The following TBC1D8B variants were observed in gnomAD, a reference collection of about 807,000 sequenced individuals.
The protein encoded by TBC1D8B is RP11-321G1.1.
TBC1D8B carries 75 observed loss-of-function variants against 82.9 expected under a neutral mutation model. The ratio of observed to expected loss-of-function variants is 0.90; its 90% confidence interval spans 0.75 to 1.10. The LOEUF is 1.10. Ranked by LOEUF, TBC1D8B falls within the 50% of genes least tolerant of loss-of-function variation. The pLI, the probability that TBC1D8B is intolerant of heterozygous loss-of-function variation, is 0.00. For missense variants in TBC1D8B, 794 were observed against 796.9 expected, an observed-to-expected ratio of 1.00 and a Z score of 0.04; for synonymous variants, 276 against 276.8, an observed-to-expected ratio of 1.00 and a Z score of 0.03.
intron 10 of TBC1D8B, among the ~76,000 whole-genome samples, chrX:106,844,136 A>C (rs984126752): frequency 2.7e-5 from 3 of 110,730 alleles, no homozygotes; most frequent in Non-Finnish European, 5.7e-5. Flanking sequence ...CTATATACAA[A>C]ATCATGGCAT....
intron 14 of TBC1D8B, among the ~76,000 whole-genome samples, chrX:106,857,483 A>C (rs1602433557): frequency 9.0e-6 from 1 of 111,496 alleles, no homozygotes; most frequent in African/African-American, 3.3e-5. Flanking sequence ...ATTATGTGTC[A>C]CAGGGTTTCG....
chrX:106,840,447 A>G (rs759123664), intron 9 of TBC1D8B, among the ~76,000 whole-genome samples: 1 of 111,547 alleles, frequency 9.0e-6, no homozygotes, highest in African/African-American at 3.2e-5. Context: ...TTTAGTGTCA[A>G]CAGTCAGTTA....
At chrX:106,868,561 A>G (rs926580976) in intron 18 of TBC1D8B, 85 bp downstream of exon 18, 20 of 575,675 alleles carry the variant, frequency 3.5e-5, no homozygotes, top group Non-Finnish European at 4.9e-5. Context: ...TTACCCAACT[A>G]AAATTGGGCT....
chrX:106,871,267 T>C (rs1461076497), intron 20 of TBC1D8B, among the ~76,000 whole-genome samples: 4 of 110,876 alleles, frequency 3.6e-5, no homozygotes, highest in African/African-American at 1.3e-4. Flanking sequence ...AAATATGTTC[T>C]TCTTTTTGTA....
At chrX:106,841,606 C>A (rs1366469549) in intron 10 of TBC1D8B, among the ~76,000 whole-genome samples, 1 of 111,428 alleles carries the variant, frequency 9.0e-6, no homozygotes, top group Non-Finnish European at 1.9e-5. Context: ...TAGGAGCACA[C>A]AATCAATTAG....
At chrX:106,809,649 C>T (rs766735841) in intron 1 of TBC1D8B, among the ~76,000 whole-genome samples, 1 of 109,832 alleles carries the variant, frequency 9.1e-6, no homozygotes, top group African/African-American at 3.3e-5. Flanking sequence ...TTTGGGAGGC[C>T]GAGGCAGATG....
chrX:106,854,251 G>T lies in TBC1D8B; in HGVS notation c.2307G>T (p.Arg769Ser), dbSNP rs767451471. The T allele has an allele frequency of 1.7e-6, 2 of 1,197,287 alleles. No individual in the cohort carries two copies. The highest frequency in any genetic ancestry group is 3.7e-5 in the South Asian group (2 of 53,851). Residue 769 changes from arginine (R) to serine (S), a missense_variant, in exon 14 of 21, where the codon AGG (arginine) becomes AGT (serine). Coordinates refer to ENST00000357242, the MANE Select transcript of TBC1D8B (RefSeq NM_017752.3). The stretch of plus-strand genomic sequence containing the variant: ...TACATAGTATGCGCTGTCGAAATAG[G>T]TTGTATGTGATACAGACCCTAGAGG... ...EDIHSMRCRN[R>S]LYVIQTLEET...
Position 106,840,839 on chromosome X carries a change from A to G in TBC1D8B, c.1674A>G (p.Val558=). 1 of 1,211,175 alleles carries G rather than the reference A, an allele frequency of 8.3e-7. No homozygotes were observed. Among genetic ancestry groups the G allele is most frequent in the South Asian group, 1.8e-5 (1 of 56,935 alleles). ...CTGGCATATCTGCTCTGAGAAGGGTACTCACAGCTTATGCATACAGGAATC... is the reference window on the plus strand; with the variant it reads ...CTGGCATATCTGCTCTGAGAAGGGTGCTCACAGCTTATGCATACAGGAATC... The part of the protein sequence containing the change: ...SDTGISALRR[V]LTAYAYRNPK... The change falls in exon 10 of 21, where the codon GTA becomes GTG. Residue 558 remains valine, a synonymous_variant. Coordinates refer to ENST00000357242, the MANE Select transcript of TBC1D8B (RefSeq NM_017752.3).
chrX:106,841,104 T>C (rs912496673), intron 10 of TBC1D8B, among the ~76,000 whole-genome samples: 2 of 111,750 alleles, frequency 1.8e-5, no homozygotes, highest in African/African-American at 3.3e-5. Flanking sequence ...GAACTTCTGC[T>C]CTATAAAAGA....
chrX:106,827,976 C>T (rs1931899859), intron 7 of TBC1D8B: 1 of 110,981 alleles, frequency 9.0e-6, no homozygotes, highest in African/African-American at 3.3e-5. Flanking sequence ...CACAAAAAAC[C>T]CTTCAAAAAA....
At chrX:106,846,254 C>A (rs1932448350) in intron 10 of TBC1D8B, among the ~76,000 whole-genome samples, 2 of 107,085 alleles carry the variant, frequency 1.9e-5, no homozygotes, top group Non-Finnish European at 3.9e-5. Context: ...GTGTGCACCA[C>A]CATGCCCTGC....
At chrX:106,866,083 A>G (rs758394758) in intron 16 of TBC1D8B, 50 bp downstream of exon 16, 7 of 1,138,428 alleles carry the variant, frequency 6.1e-6, no homozygotes, top group Non-Finnish European at 7.1e-6. Flanking sequence ...AGAAATACTT[A>G]GTACTGCCTA....
chrX:106,821,835 C>T, intron 3 of TBC1D8B, 142 bp from the exon 4 acceptor site: 2 of 506,485 alleles, frequency 3.9e-6, no homozygotes, highest in Non-Finnish European at 6.3e-6. Context: ...TTTTCAATCC[C>T]TGGTTGGTTG....
At chrX:106,848,056 G>C (rs1932498961) in intron 10 of TBC1D8B, 130 bp from the exon 11 acceptor site, 3 of 378,358 alleles carry the variant, frequency 7.9e-6, no homozygotes, top group African/African-American at 7.7e-5. Context: ...GAGTTCTCAT[G>C]TTTCCACTGT....
intron 1 of TBC1D8B, chrX:106,815,565 T>C (rs777974622): frequency 1.1e-4 from 12 of 110,786 alleles, no homozygotes; most frequent in African/African-American, 4.0e-4. Context: ...TTAAAGTAGT[T>C]TTTTCCAATT....
intron 7 of TBC1D8B, among the ~76,000 whole-genome samples, chrX:106,831,567 G>A (rs777297832): frequency 4.8e-4 from 54 of 111,701 alleles, no homozygotes; most frequent in African/African-American, 1.0e-3. Context: ...TTCAGTCCAC[G>A]TGTTAGCTTC....
chrX:106,873,626 A>C lies in TBC1D8B; in HGVS notation c.3024A>C (p.Glu1008Asp). 8.3e-7 allele frequency: 1 copy of C among 1,210,097 alleles called. No individual in the cohort carries two copies. The change falls in exon 21 of 21, where the codon GAA becomes GAC. Residue 1008 changes from glutamate (E) to aspartate (D), a missense_variant. By Grantham distance (45) the Glu-to-Asp change is conservative. Transcript: ENST00000357242. ...TLYNLFHEDP[E>D]EESLYQAIAV... ...ATAACTTATTTCATGAGGACCCTGA[A>C]GAAGAATCATTATATCAAGCCATTG...
At chrX:106,817,223 G>A (rs1008161698) in intron 1 of TBC1D8B, among the ~76,000 whole-genome samples, 1 of 110,994 alleles carries the variant, frequency 9.0e-6, no homozygotes, top group Admixed American at 9.6e-5. Context: ...TGAAAGTTAT[G>A]GATATAAACA....
intron 17 of TBC1D8B, among the ~76,000 whole-genome samples, chrX:106,867,295 C>T (rs1419983660): frequency 2.7e-5 from 3 of 111,858 alleles, no homozygotes; most frequent in African/African-American, 6.5e-5. Flanking sequence ...GCACAATAAA[C>T]GCTATCATTT....
Sources: allele counts gnomAD v4.1 joint callset (sites outside exome capture counted in the v4.1 genomes callset), GRCh38; gene constraint gnomAD v4.1.1; transcripts MANE v1.5; gene names NCBI Gene and HGNC (gene_info 2026-07-23, HGNC 2026-07-21).